Variants in GTF3C5 observed in about 807,000 individuals in gnomAD.
The protein encoded by GTF3C5 is general transcription factor IIIC subunit 5, also known as general transcription factor 3C polypeptide 5.
In GTF3C5, 47 loss-of-function variants were observed where a neutral mutation model predicts 61.0. The observed-to-expected ratio is 0.77, with a 90% CI of 0.61 to 0.98. The LOEUF (loss-of-function observed/expected upper bound fraction) is 0.98. Ranked by LOEUF, GTF3C5 falls within the 50% of genes least tolerant of loss-of-function variation. The pLI, the probability that GTF3C5 is intolerant of heterozygous loss-of-function variation, is 0.00. For synonymous variants in GTF3C5, 295 were observed against 275.4 expected (o/e 1.07, Z -0.71); for missense variants, 659 against 703.3 (o/e 0.94, Z 0.71).
intron 2 of GTF3C5, among the ~76,000 whole-genome samples, chr9:133,042,940 C>T (rs925603564): frequency 2.6e-5 from 4 of 152,174 alleles, no homozygotes; most frequent in Non-Finnish European, 5.9e-5. Context: ...CTTAGGCCCT[C>T]GTGAAGATTC....
chr9:133,046,622 C>T (rs1850215208), intron 3 of GTF3C5, among the ~76,000 whole-genome samples: 1 of 152,130 alleles, frequency 6.6e-6, no homozygotes. Context: ...GCCTGGTGTC[C>T]ACGGACAGCA....
At chr9:133,035,744 G>A (rs1290764088) in intron 1 of GTF3C5, among the ~76,000 whole-genome samples, 1 of 152,188 alleles carries the variant, frequency 6.6e-6, no homozygotes, top group Non-Finnish European at 1.5e-5. Context: ...GATCTGCAAG[G>A]TTATTACCTC....
At chr9:133,054,037 A>G (rs1006639590) in intron 6 of GTF3C5, 95 bp downstream of exon 6, 2 of 863,638 alleles carry the variant, frequency 2.3e-6, no homozygotes, top group African/African-American at 1.7e-5. Context: ...TTTCATTTGG[A>G]AAGAATAAAA....
chr9:133,054,137 C>T (rs971260902), intron 6 of GTF3C5, among the ~76,000 whole-genome samples, 195 bp downstream of exon 6: 26 of 152,218 alleles, frequency 1.7e-4, no homozygotes, highest in African/African-American at 5.8e-4. Context: ...CACCACTGAC[C>T]GCCCGTTTCT....
rs1264930024 is a variant in GTF3C5, at chr9:133,053,842, G to C, written c.888G>C (p.Trp296Cys). 6.2e-7 allele frequency: 1 copy of C among 1,608,534 alleles called. No individual in the cohort carries two copies. Among genetic ancestry groups the C allele is most frequent in the South Asian group, 1.1e-5 (1 of 90,758 alleles). Residue 296 changes from tryptophan (W) to cysteine (C), a missense_variant, in exon 6 of 11, where the codon TGG becomes TGC. Coordinates refer to ENST00000372097, the MANE Select transcript of GTF3C5 (RefSeq NM_012087.4). ...TTCTGTCCCAGATAACAGGCCCCTG[G>C]CGCAGCCTATGGATTCGATTTGGGT... is the stretch of plus-strand genomic sequence containing the variant. ...FIAYYMITGPWRSLWIRFGYD... is the reference protein window; with the variant it reads ...FIAYYMITGPCRSLWIRFGYD...
At chr9:133,051,327 T>C (rs919690311) in intron 4 of GTF3C5, among the ~76,000 whole-genome samples, 2 of 152,244 alleles carry the variant, frequency 1.3e-5, no homozygotes, top group African/African-American at 4.8e-5. Flanking sequence ...CCCAGCACTT[T>C]CTTACCGTTA....
Position 133,054,800 on chromosome 9 carries a change from C to T in GTF3C5, c.1158C>T (p.Tyr386=). 2 of 1,574,290 alleles carry T rather than the reference C, an allele frequency of 1.3e-6. No individual in the cohort carries two copies. The highest frequency in any genetic ancestry group is 2.3e-5 in the East Asian group (1 of 43,162). The change falls in exon 8 of 11, where the codon TAC becomes TAT. Residue 386 remains tyrosine (Y), a synonymous_variant. Coordinates refer to ENST00000372097, the MANE Select transcript of GTF3C5 (RefSeq NM_012087.4). ...SGARKPASSK[Y]KLKDSVYIFR... ...CTCGGAAACCAGCTTCCAGCAAGTA[C>T]AAGCTCAAGGTGGGCGCCCCTGGAG...
Position 133,031,051 on chromosome 9 carries a change from G to A in GTF3C5, c.40G>A (p.Val14Ile), listed in dbSNP as rs757737273. ...EAADLGLGAA[V>I]PVELRRERRM... ...GGCCGATTTGGGGCTGGGGGCCGCCGTCCCCGTGGAGCTGAGGCGGGAGCG... is the reference window on the plus strand; with the variant it reads ...GGCCGATTTGGGGCTGGGGGCCGCCATCCCCGTGGAGCTGAGGCGGGAGCG... Residue 14 changes from valine to isoleucine, a missense_variant, in exon 1 of 11, where the codon GTC (valine) becomes ATC (isoleucine). Coordinates refer to ENST00000372097, the MANE Select transcript of GTF3C5 (RefSeq NM_012087.4). The A allele has an allele frequency of 6.8e-6, 11 of 1,612,034 alleles. No individual in the cohort carries two copies. The African/African-American group carries it at 1.2e-4, about 18-fold the overall frequency.
intron 1 of GTF3C5, among the ~76,000 whole-genome samples, chr9:133,038,792 G>C (rs1849954570): frequency 6.6e-6 from 1 of 151,902 alleles, no homozygotes; most frequent in African/African-American, 2.4e-5. Flanking sequence ...CCACAAATGT[G>C]AGCCACAGCC....
chr9:133,049,524 G>A (rs533548110), intron 3 of GTF3C5, among the ~76,000 whole-genome samples: 2 of 152,332 alleles, frequency 1.3e-5, no homozygotes, highest in Non-Finnish European at 2.9e-5. Flanking sequence ...GAGTGAATTT[G>A]ATGATGTCCG....
chr9:133,058,139 C>G lies in GTF3C5; in HGVS notation c.*159C>G, dbSNP rs1829994737. ...GCAAAGGGTGCAGCTGACCCTAGCA[C>G]TGGCTGTGACATGCTGCTTGGTGCT... On this transcript the variant is annotated 3_prime_UTR_variant, in exon 11 of 11. Coordinates refer to ENST00000372097, the MANE Select transcript of GTF3C5 (RefSeq NM_012087.4). The G allele has an allele frequency of 1.4e-6, 2 of 1,462,778 alleles. No homozygotes were observed. The highest frequency in any genetic ancestry group is 1.8e-6 in the Non-Finnish European group (2 of 1,108,828). The allele number at this position is 1,462,778 out of a possible 1,614,324, so 90.6% of individuals were successfully genotyped here.
At chr9:133,056,474 A>T (rs969384697) in intron 9 of GTF3C5, among the ~76,000 whole-genome samples, 1 of 152,170 alleles carries the variant, frequency 6.6e-6, no homozygotes, top group Non-Finnish European at 1.5e-5. Flanking sequence ...ATGAGAGGAG[A>T]TGGGAACACA....
At chr9:133,032,246 C>G (rs1019367145) in intron 1 of GTF3C5, among the ~76,000 whole-genome samples, 2 of 152,218 alleles carry the variant, frequency 1.3e-5, no homozygotes, top group African/African-American at 4.8e-5. Flanking sequence ...GTTTTTATCC[C>G]TAAGGCAGTC....
At chr9:133,034,406 C>T (rs1001873563) in intron 1 of GTF3C5, among the ~76,000 whole-genome samples, 3 of 152,128 alleles carry the variant, frequency 2.0e-5, no homozygotes, top group Admixed American at 1.3e-4. Flanking sequence ...GAACAAGTGT[C>T]GAACTGAAGG....
chr9:133,048,388 T>A (rs1362384094), intron 3 of GTF3C5, among the ~76,000 whole-genome samples: 8 of 151,936 alleles, frequency 5.3e-5, no homozygotes, highest in Non-Finnish European at 1.0e-4. Context: ...TCCCAGCTAT[T>A]TGGGAGGCTG....
intron 1 of GTF3C5, among the ~76,000 whole-genome samples, chr9:133,039,561 G>A (rs561646622): frequency 5.9e-5 from 9 of 152,154 alleles, no homozygotes; most frequent in Non-Finnish European, 1.0e-4. Flanking sequence ...GCACCACCAC[G>A]CCCAGCTAGT....
At chr9:133,039,265 A>T (rs1360720236) in intron 1 of GTF3C5, among the ~76,000 whole-genome samples, 1 of 152,214 alleles carries the variant, frequency 6.6e-6, no homozygotes, top group African/African-American at 2.4e-5. Context: ...TAAAATGTTT[A>T]TTCTGACAAA....
Position 133,053,977 on chromosome 9 carries a change from C to T in GTF3C5, c.988+35C>T, listed in dbSNP as rs1829838676. 9 of 1,243,578 alleles carry T rather than the reference C, an allele frequency of 7.2e-6. No individual in the cohort carries two copies. The East Asian group carries it at 2.1e-4, about 29-fold the overall frequency. 77.0% of individuals were successfully genotyped at this position (1,243,578 alleles called of 1,614,324 possible). On this transcript the variant is annotated intron_variant, in intron 6 of 10. Transcript: ENST00000372097. ...CCTGAAAGCTTTGCTTCCTGCCTTT[C>T]TCTCTCTTTATCTTTCAGTTTCTAG...
chr9:133,039,449 G>A (rs1426300191), intron 1 of GTF3C5, among the ~76,000 whole-genome samples: 1 of 152,012 alleles, frequency 6.6e-6, no homozygotes, highest in African/African-American at 2.4e-5. Context: ...TGTCACCAAG[G>A]CTGGAGTGCA....
Sources: gnomAD v4.1 joint callset for allele counts (sites outside exome capture counted in the v4.1 genomes callset) on GRCh38, gnomAD v4.1.1 for gene constraint, MANE v1.5 for transcripts, NCBI Gene and HGNC (gene_info 2026-07-23, HGNC 2026-07-21) for gene names.